C12orf56: variants seen among roughly 807,000 people sequenced by gnomAD.
The protein encoded by C12orf56 is chromosome 12 open reading frame 56.
A neutral mutation model predicts 69.9 loss-of-function variants in C12orf56; 71 were observed. That is an observed-to-expected ratio of 1.02 (90% CI 0.84 to 1.24). The LOEUF is 1.24. C12orf56 is among the 50% of genes most tolerant of loss of function. The pLI is 0.00. For missense variants in C12orf56, 732 were observed against 738.5 expected (o/e 0.99, Z 0.10); for synonymous variants, 276 against 274.1 (o/e 1.01, Z -0.07).
At chr12:64,381,232 G>A (rs1249506644) in intron 1 of C12orf56, among the ~76,000 whole-genome samples, 2 of 152,062 alleles carry the variant, frequency 1.3e-5, no homozygotes, top group African/African-American at 4.8e-5. Context: ...CTGGGTGGGG[G>A]CAATAAGATC....
chr12:64,296,619 A>G (rs1006891392), intron 6 of C12orf56, among the ~76,000 whole-genome samples: 1 of 152,204 alleles, frequency 6.6e-6, no homozygotes. Context: ...TTTTGGAGCT[A>G]TTGGGATGGA....
chr12:64,278,412 C>T (rs1447386887), intron 8 of C12orf56, among the ~76,000 whole-genome samples: 1 of 152,018 alleles, frequency 6.6e-6, no homozygotes, highest in Non-Finnish European at 1.5e-5. Flanking sequence ...CTGCCTCAGC[C>T]AAGTAGCTGA....
intron 3 of C12orf56, among the ~76,000 whole-genome samples, chr12:64,330,054 G>A (rs1467485775): frequency 6.6e-6 from 1 of 152,090 alleles, no homozygotes; most frequent in African/African-American, 2.4e-5. Context: ...TAATGGGATG[G>A]CTGGGTCAAA....
chr12:64,308,939 AG>A lies in C12orf56; in HGVS notation c.968+3739del, dbSNP rs1565748940. 3.1e-3 allele frequency among the ~76,000 whole-genome samples: 82 copies of A among 26,442 alleles called. 1 individual carries two copies. Among genetic ancestry groups the A allele is most frequent in the African/African-American group, 8.7e-3 (78 of 9,012 alleles). The allele number at this position is 26,442 out of a possible 152,430, so 17.3% of individuals were successfully genotyped here. A position where few individuals can be genotyped will look rare whatever the true frequency, so the allele number is the denominator to read the frequency against. On this transcript the variant is annotated intron_variant, in intron 5 of 12. Transcript: ENST00000543942. ...AAGAAAGAAAGAAAGAAAGAAAGAA[AG>A]AAGAAAGAAAGAAAGAAAGAAAGAA...
rs187493600 is a variant in C12orf56, at chr12:64,309,114, A to T, written c.968+3565T>A. 7.9e-4 allele frequency among the ~76,000 whole-genome samples: 121 copies of T among 152,282 alleles called. 1 individual carries two copies. The highest frequency in any genetic ancestry group is 6.9e-3 in the East Asian group (36 of 5,190). On this transcript the variant is annotated intron_variant, in intron 5 of 12. Transcript: ENST00000543942. ...ATACAAACACACATATATACTTTTTAAAAAAATTGAACTAAAATTATATAA... is the reference window on the plus strand; with the variant it reads ...ATACAAACACACATATATACTTTTTTAAAAAATTGAACTAAAATTATATAA...
intron 1 of C12orf56, among the ~76,000 whole-genome samples, chr12:64,373,238 C>T (rs1592499255): frequency 6.6e-6 from 1 of 151,942 alleles, no homozygotes; most frequent in Non-Finnish European, 1.5e-5. Context: ...GCAGATTACT[C>T]GAGCTCAGAA....
chr12:64,351,547 C>G (rs1052711531), intron 2 of C12orf56, among the ~76,000 whole-genome samples: 1 of 152,108 alleles, frequency 6.6e-6, no homozygotes, highest in Admixed American at 6.5e-5. Flanking sequence ...GGGAACTCGA[C>G]GGCTACTGAC....
At chr12:64,324,347 G>C (rs1230633795) in intron 3 of C12orf56, among the ~76,000 whole-genome samples, 2 of 152,220 alleles carry the variant, frequency 1.3e-5, no homozygotes, top group African/African-American at 4.8e-5. Flanking sequence ...ACTTACAAAA[G>C]TGCAATTGAA....
chr12:64,378,562 T>C (rs1465425729), intron 1 of C12orf56, among the ~76,000 whole-genome samples: 2 of 152,114 alleles, frequency 1.3e-5, no homozygotes, highest in African/African-American at 4.8e-5. Flanking sequence ...GCCTCCCAAG[T>C]AACTGGGACT....
chr12:64,379,141 G>A (rs904636658), intron 1 of C12orf56, among the ~76,000 whole-genome samples: 1 of 152,052 alleles, frequency 6.6e-6, no homozygotes, highest in African/African-American at 2.4e-5. Context: ...CCTCTGTTGT[G>A]TTGAAGCATT....
intron 3 of C12orf56, among the ~76,000 whole-genome samples, chr12:64,328,679 C>CAAAAAAAAAAAAAAAAAAAAAA (rs59688148): frequency 1.7e-5 from 1 of 57,908 alleles, no homozygotes; most frequent in Non-Finnish European, 3.1e-5. Flanking sequence ...GACTCCATCT[C>CAAAAAAAAAAAAAAAAAAAAAA]AAAAAAAAAA....
intron 2 of C12orf56, among the ~76,000 whole-genome samples, chr12:64,334,662 T>C (rs1041907562): frequency 6.6e-6 from 1 of 152,160 alleles, no homozygotes; most frequent in South Asian, 2.1e-4. Context: ...GCTGAATCTA[T>C]GAATGTGGAG....
At chr12:64,314,553 A>G (rs771708503) in intron 4 of C12orf56, among the ~76,000 whole-genome samples, 17 of 152,008 alleles carry the variant, frequency 1.1e-4, no homozygotes, top group Non-Finnish European at 1.9e-4. Flanking sequence ...GTGTTCAGCA[A>G]TTTCTCTAAA....
At chr12:64,302,635 A>G (rs1233513285) in intron 6 of C12orf56, among the ~76,000 whole-genome samples, 1 of 152,098 alleles carries the variant, frequency 6.6e-6, no homozygotes, top group Non-Finnish European at 1.5e-5. Context: ...AGGCCTCATT[A>G]GCACCACCAT....
chr12:64,375,639 A>G (rs1293399344), intron 1 of C12orf56, among the ~76,000 whole-genome samples: 1 of 152,176 alleles, frequency 6.6e-6, no homozygotes, highest in Admixed American at 6.5e-5. Flanking sequence ...ATCAAAGCTG[A>G]TCCTCTTACA....
At chr12:64,315,271 T>C (rs2136831084) in intron 4 of C12orf56, among the ~76,000 whole-genome samples, 1 of 151,190 alleles carries the variant, frequency 6.6e-6, no homozygotes, top group South Asian at 2.1e-4. Flanking sequence ...AAGGGAGATA[T>C]GTGCTTTTTC....
intron 5 of C12orf56, among the ~76,000 whole-genome samples, chr12:64,310,416 C>T (rs192622204): frequency 2.2e-4 from 34 of 152,266 alleles, no homozygotes; most frequent in South Asian, 6.2e-4. Flanking sequence ...TTAAGCCTTC[C>T]GCATTCACTA....
intron 2 of C12orf56, among the ~76,000 whole-genome samples, chr12:64,342,627 A>C (rs529019203): frequency 1.3e-5 from 2 of 152,176 alleles, no homozygotes; most frequent in Non-Finnish European, 2.9e-5. Flanking sequence ...TGATGATGGA[A>C]TGCTGCTGTG....
At chr12:64,383,465 C>T (rs2135987635) in intron 1 of C12orf56, among the ~76,000 whole-genome samples, 1 of 152,198 alleles carries the variant, frequency 6.6e-6, no homozygotes, top group East Asian at 1.9e-4. Flanking sequence ...CAACCTCCAC[C>T]TCCCGGGTTC....
Sources: allele counts gnomAD v4.1 joint callset (sites outside exome capture counted in the v4.1 genomes callset), GRCh38; gene constraint gnomAD v4.1.1; transcripts MANE v1.5; gene names NCBI Gene and HGNC (gene_info 2026-07-23, HGNC 2026-07-21).